The following PCDH19 variants were observed in gnomAD, a reference collection of about 807,000 sequenced individuals.
The protein encoded by PCDH19 is protocadherin-19.
In PCDH19, 6 loss-of-function variants were observed where a neutral mutation model predicts 46.2. The ratio of observed to expected loss-of-function variants is 0.13; its 90% CI spans 0.07 to 0.26. The LOEUF (loss-of-function observed/expected upper bound fraction) is 0.26. Ranked by LOEUF, PCDH19 falls within the 10% of genes least tolerant of loss-of-function variation. The pLI is 1.00. For missense variants in PCDH19, 740 were observed against 972.3 expected (o/e 0.76, Z 3.18); for synonymous variants, 481 against 415.7 (o/e 1.16, Z -1.91).
rs372952752 is a variant in PCDH19, at chrX:100,406,954, C to T, written c.1644G>A (p.Thr548=). The T allele has an allele frequency of 5.0e-5, 60 of 1,210,037 alleles. No individual in the cohort carries two copies. Among genetic ancestry groups the T allele is most frequent in the Admixed American group, 8.7e-5 (4 of 45,831 alleles). The change falls in exon 1 of 6, where the codon ACG becomes ACA. Residue 548 remains threonine, a synonymous_variant. Transcript: ENST00000373034. ...GGLPSLQSNA[T]VRVIILDVND... ...TGACGTCGAGGATGATGACCCGCAC[C>T]GTAGCGTTGCTTTGCAGTGAGGGAA...
chrX:100,346,704 G>A (rs868066156), intron 4 of PCDH19, among the ~76,000 whole-genome samples: 21 of 112,332 alleles, frequency 1.9e-4, no homozygotes, highest in African/African-American at 4.9e-4. Flanking sequence ...AATTTGGGTG[G>A]AAAAAGAAAG....
At position 100,404,422 on chromosome X, in the gene PCDH19, G is replaced by C. The variant is rs1928283899; in HGVS notation, c.2148-758C>G. Among the ~76,000 whole-genome samples the C allele has an allele frequency of 2.7e-5, 3 of 111,799 alleles. No homozygotes were observed. In the South Asian group the frequency reaches 1.1e-3, roughly 42 times the overall value. On this transcript the variant is annotated intron_variant, in intron 1 of 5. Coordinates refer to ENST00000373034, the MANE Select transcript of PCDH19 (RefSeq NM_001184880.2). ...ATCAATGGGAAATTTTAATCATTTT[G>C]TTTACCCAAGATGAGTAACTTTGGC...
rs1021697138 is a variant in PCDH19, at chrX:100,294,092, A to C, written c.*2185T>G. ...GGGTGAGAAACAGTCTAAATTCTAT[A>C]GGCAGCCATCATAACTTAAAGGGGA... is the stretch of plus-strand genomic sequence containing the variant. On this transcript the variant is annotated 3_prime_UTR_variant, in exon 6 of 6. Coordinates refer to ENST00000373034, the MANE Select transcript of PCDH19 (RefSeq NM_001184880.2). The C allele has an allele frequency of 3.6e-5, 4 of 112,082 alleles. No homozygotes were observed. The highest frequency in any genetic ancestry group is 9.5e-5 in the Admixed American group (1 of 10,580). 9.2% of individuals were successfully genotyped at this position (112,082 alleles called of 1,213,427 possible). A position where few individuals can be genotyped will look rare whatever the true frequency, so the allele number is the denominator to read the frequency against.
In PCDH19 at chrX:100,409,682, C is replaced by G. The variant is rs1482959102; in HGVS notation, c.-1085G>C. On this transcript the variant is annotated 5_prime_UTR_variant, in exon 1 of 6. Coordinates refer to ENST00000373034, the MANE Select transcript of PCDH19 (RefSeq NM_001184880.2). ...GGGTACCGGGTGCTTCTCTTCTCTC[C>G]GTTTGGGCTGGGGTGTCGCTCCAAG... 8.7e-6 allele frequency: 2 copies of G among 230,624 alleles called. No homozygotes were observed. The highest frequency in any genetic ancestry group is 7.2e-5 in the Admixed American group (1 of 13,818). The allele number at this position is 230,624 out of a possible 1,213,427, so 19.0% of individuals were successfully genotyped here. A position where few individuals can be genotyped will look rare whatever the true frequency, so the allele number is the denominator to read the frequency against.
rs779051005 is a variant in PCDH19 at position 100,406,942 on chromosome X, G to C, written c.1656C>G (p.Ile552Met). 111 of 1,210,066 alleles carry C rather than the reference G, an allele frequency of 9.2e-5. No homozygotes were observed. The highest frequency in any genetic ancestry group is 1.2e-4 in the Non-Finnish European group (103 of 895,208). The change falls in exon 1 of 6, where the codon ATC (isoleucine) becomes ATG (methionine). Residue 552 changes from isoleucine to methionine, a missense_variant. Physicochemically the swap from Ile to Met is conservative, Grantham distance 10. Around this residue, in one of 5 missense-constraint regions of PCDH19, gnomAD observed 186 missense variants for 319.9 expected, o/e 0.58. Transcript: ENST00000373034. Reference protein sequence around the residue: ...SLQSNATVRVIILDVNDNTPV... With the variant: ...SLQSNATVRVMILDVNDNTPV... ...GGGTGTTGTCGTTGACGTCGAGGATGATGACCCGCACCGTAGCGTTGCTTT... is the reference window on the plus strand; with the variant it reads ...GGGTGTTGTCGTTGACGTCGAGGATCATGACCCGCACCGTAGCGTTGCTTT...
At chrX:100,372,622 A>G (rs1406691482) in intron 3 of PCDH19, among the ~76,000 whole-genome samples, 9 of 112,740 alleles carry the variant, frequency 8.0e-5, no homozygotes, top group Non-Finnish European at 1.7e-4. Context: ...AGAAATCTCA[A>G]TTGCTGAACA....
chrX:100,314,204 A>C (rs1281281918), intron 5 of PCDH19, among the ~76,000 whole-genome samples: 1 of 111,927 alleles, frequency 8.9e-6, no homozygotes, highest in Non-Finnish European at 1.9e-5. Flanking sequence ...TGGCTAATAA[A>C]AAGAAACATC....
chrX:100,351,755 A>C (rs776706208), intron 3 of PCDH19, among the ~76,000 whole-genome samples: 11 of 112,654 alleles, frequency 9.8e-5, no homozygotes, highest in Non-Finnish European at 1.9e-4. Flanking sequence ...TCTAGCAAAC[A>C]AAAGAGCAGA....
In PCDH19 at chrX:100,308,767, C is replaced by A. The variant is rs144341123; in HGVS notation, c.2849-11892G>T. 6.7e-3 allele frequency among the ~76,000 whole-genome samples: 750 copies of A among 111,467 alleles called. 4 individuals are homozygous for A. Among genetic ancestry groups the A allele is most frequent in the African/African-American group, 0.023 (703 of 30,702 alleles). ...AGAAGATGTACAAATGGCCAACAAG[C>A]ATATGAAAAAATGCTCAACATCACT... On this transcript the variant is annotated intron_variant, in intron 5 of 5. Coordinates refer to ENST00000373034, the MANE Select transcript of PCDH19 (RefSeq NM_001184880.2).
chrX:100,355,997 G>A (rs959592844), intron 3 of PCDH19, among the ~76,000 whole-genome samples: 2 of 109,203 alleles, frequency 1.8e-5, no homozygotes, highest in Non-Finnish European at 3.8e-5. Flanking sequence ...CAAACCTAAG[G>A]AGAAGGAAGC....
rs111266768 is a variant in PCDH19, at chrX:100,311,213, T to C, written c.2849-14338A>G. On this transcript the variant is annotated intron_variant, in intron 5 of 5. Coordinates refer to ENST00000373034, the MANE Select transcript of PCDH19 (RefSeq NM_001184880.2). ...TATCTCCAACTTGGTTTCACTCTTT[T>C]GTGGAAAATAAGGAAACTGCTAGCA... Among the ~76,000 whole-genome samples the C allele has an allele frequency of 6.8e-3, 756 of 111,156 alleles. 4 individuals are homozygous for C. The highest frequency in any genetic ancestry group is 0.023 in the African/African-American group (708 of 30,628).
intron 3 of PCDH19, among the ~76,000 whole-genome samples, chrX:100,367,806 G>A (rs1879520473): frequency 9.0e-6 from 1 of 111,505 alleles, no homozygotes; most frequent in Non-Finnish European, 1.9e-5. Flanking sequence ...TGCCATGGGA[G>A]CACGGAGGAG....
chrX:100,401,530 T>C (rs1928179149), intron 3 of PCDH19, among the ~76,000 whole-genome samples: 1 of 110,186 alleles, frequency 9.1e-6, no homozygotes, highest in Admixed American at 9.7e-5. Context: ...TGCATGCCTG[T>C]AATCCCAGCT....
chrX:100,323,316 G>C (rs956717200), intron 5 of PCDH19, among the ~76,000 whole-genome samples: 1 of 111,318 alleles, frequency 9.0e-6, no homozygotes, highest in Non-Finnish European at 1.9e-5. Flanking sequence ...ATAATCTGCT[G>C]CTGTTTCCCT....
chrX:100,347,072 G>GAA (rs1361535364), intron 4 of PCDH19, among the ~76,000 whole-genome samples: 1 of 101,730 alleles, frequency 9.8e-6, no homozygotes. Flanking sequence ...TGACAGTCTG[G>GAA]AAAAAAAAAA....
intron 5 of PCDH19, among the ~76,000 whole-genome samples, chrX:100,333,589 C>T (rs1367561664): frequency 8.9e-6 from 1 of 111,783 alleles, no homozygotes; most frequent in East Asian, 2.8e-4. Context: ...GAATGAAATT[C>T]TTAATTGTTC....
intron 5 of PCDH19, among the ~76,000 whole-genome samples, chrX:100,304,882 G>T (rs1351565503): frequency 8.9e-6 from 1 of 112,061 alleles, no homozygotes; most frequent in Non-Finnish European, 1.9e-5. Flanking sequence ...AAAAGAAAAA[G>T]AATTTTAAAA....
At chrX:100,369,249 A>G (rs1927154169) in intron 3 of PCDH19, among the ~76,000 whole-genome samples, 1 of 111,525 alleles carries the variant, frequency 9.0e-6, no homozygotes, top group Admixed American at 9.6e-5. Flanking sequence ...TAACCCCACT[A>G]AAGCATACCA....
chrX:100,342,103 C>T (rs771453722), intron 4 of PCDH19, 28 bp from the exon 5 acceptor site: 15 of 1,173,495 alleles, frequency 1.3e-5, no homozygotes, highest in East Asian at 1.2e-4. Flanking sequence ...TGATAATTTA[C>T]GACCGTGACA....
Sources: gnomAD v4.1 joint callset for allele counts (sites outside exome capture counted in the v4.1 genomes callset) on GRCh38, gnomAD v4.1.1 for gene constraint, gnomAD v4.1.1 regional missense constraint, MANE v1.5 for transcripts, NCBI Gene and HGNC (gene_info 2026-07-23, HGNC 2026-07-21) for gene names.